Variants in PRDM1 observed in about 807,000 individuals in gnomAD.
PRDM1 encodes the protein PR domain zinc finger protein 1.
In PRDM1, 13 loss-of-function variants were observed where a neutral mutation model predicts 62.8. That is an observed-to-expected ratio of 0.21 (90% CI 0.13 to 0.33). The LOEUF (loss-of-function observed/expected upper bound fraction) is 0.33, where lower values mean the gene tolerates loss of function less well. Among genes scored for constraint, PRDM1 ranks in the 10% least tolerant of loss-of-function variants. The pLI is 1.00. For missense variants in PRDM1, 895 were observed against 1,058.8 expected (o/e 0.85, Z 2.15); for synonymous variants, 396 against 417.6 (o/e 0.95, Z 0.63).
At chr6:105,999,349 A>T (rs1772400116) in intron 1 of PRDM1, among the ~76,000 whole-genome samples, 2 of 150,960 alleles carry the variant, frequency 1.3e-5, no homozygotes, top group Non-Finnish European at 3.0e-5. Context: ...TGAGGCCAGG[A>T]GTTTGAGACC....
chr6:106,067,168 C>CATA (rs1773446301), intron 1 of PRDM1, among the ~76,000 whole-genome samples: 5 of 152,148 alleles, frequency 3.3e-5, no homozygotes, highest in Admixed American at 3.3e-4. Context: ...AATTTGCTTG[C>CATA]ATAAATAAGA....
chr6:106,085,762 C>T (rs1773785134), upstream of PRDM1, among the ~76,000 whole-genome samples: 1 of 150,550 alleles, frequency 6.6e-6, no homozygotes, highest in Non-Finnish European at 1.5e-5. Flanking sequence ...TAACTTTTGC[C>T]TATTTCCCTA....
intron 1 of PRDM1, among the ~76,000 whole-genome samples, chr6:106,049,238 G>T (rs1378411380): frequency 2.0e-5 from 3 of 152,218 alleles, no homozygotes; most frequent in Admixed American, 2.0e-4. Flanking sequence ...ACTACTTGCA[G>T]CTCCCAAAGC....
At chr6:106,027,817 G>A (rs984785809) in intron 1 of PRDM1, among the ~76,000 whole-genome samples, 4 of 152,218 alleles carry the variant, frequency 2.6e-5, no homozygotes, top group African/African-American at 9.6e-5. Flanking sequence ...TTAAACCCAT[G>A]TGAAATGTTC....
chr6:106,063,172 G>A (rs1180691710), intron 1 of PRDM1, among the ~76,000 whole-genome samples: 1 of 152,164 alleles, frequency 6.6e-6, no homozygotes, highest in Non-Finnish European at 1.5e-5. Flanking sequence ...TTCTTCAAAT[G>A]GCAAGAAAGA....
chr6:106,015,683 A>G (rs1202841486), intron 1 of PRDM1, among the ~76,000 whole-genome samples: 1 of 152,172 alleles, frequency 6.6e-6, no homozygotes, highest in South Asian at 2.1e-4. Flanking sequence ...TTTTTGAATC[A>G]TGTAGTGTAT....
intron 1 of PRDM1, among the ~76,000 whole-genome samples, chr6:105,995,367 T>G (rs1048258414): frequency 6.6e-6 from 1 of 152,196 alleles, no homozygotes; most frequent in Non-Finnish European, 1.5e-5. Flanking sequence ...CTAGGAAAAG[T>G]GTTTTTTAAA....
In PRDM1 at chr6:106,062,060, A is replaced by T. The variant is rs546234628; in HGVS notation, c.-67+13346A>T. ...TGTCAGTGAGGTTGTGAATACATTC[A>T]TCAGTGTTGCAGAGCAAGTGGGATG... On this transcript the variant is annotated intron_variant, in intron 1 of 6. Transcript: ENST00000651185. Among the ~76,000 whole-genome samples, 18 of 152,338 alleles carry T rather than the reference A, an allele frequency of 1.2e-4. No homozygotes were observed. In the East Asian group the frequency reaches 2.9e-3, roughly 24 times the overall value.
In PRDM1 at chr6:105,994,653, G is replaced by T. The variant is rs1358600539; in HGVS notation, c.-67+1014G>T. Among the ~76,000 whole-genome samples the T allele has an allele frequency of 6.6e-6, 1 of 152,190 alleles. No homozygotes were observed. The highest frequency in any genetic ancestry group is 1.9e-4 in the East Asian group (1 of 5,192). ...GGTTTAGAGCCCGTCCTTTTGTCTG[G>T]AGTGTCGCGGGACTCCAGAAGTGGG... On this transcript the variant is annotated intron_variant, in intron 1 of 6. Coordinates refer to the PRDM1 transcript ENST00000652320. The surrounding 1 kb of genome is among the most constrained non-coding windows in gnomAD (Gnocchi z 4.1).
At chr6:106,071,712 G>A (rs1009444490) in intron 1 of PRDM1, among the ~76,000 whole-genome samples, 4 of 151,992 alleles carry the variant, frequency 2.6e-5, no homozygotes, top group Non-Finnish European at 5.9e-5. Context: ...TGTCTGTTAT[G>A]TGGTATCAGT....
rs1554205636 is a variant in PRDM1 at position 106,107,690 on chromosome 6, A to ATATATATATG, written c.*213_*214insGTATATATAT. 1.3e-5 allele frequency: 3 copies of ATATATATATG among 224,952 alleles called. No individual in the cohort carries two copies. Among genetic ancestry groups the ATATATATATG allele is most frequent in the Non-Finnish European group, 2.6e-5 (3 of 117,062 alleles). The allele number at this position is 224,952 out of a possible 1,614,324, so 13.9% of individuals were successfully genotyped here. A position where few individuals can be genotyped will look rare whatever the true frequency, so the allele number is the denominator to read the frequency against. On this transcript the variant is annotated 3_prime_UTR_variant, in exon 7 of 7. Coordinates refer to ENST00000369096, the MANE Select transcript of PRDM1 (RefSeq NM_001198.4). ...CAAGGCAAAGGCCATATATATATATATATATATATCTGTATACATATTATA... is the reference window on the plus strand; with the variant it reads ...CAAGGCAAAGGCCATATATATATATATATATATATGTATATATATCTGTATACATATTATA...
In PRDM1 at chr6:105,994,968, G is replaced by T. The variant is rs1387621205; in HGVS notation, c.-67+1329G>T. On this transcript the variant is annotated intron_variant, in intron 1 of 6. Coordinates refer to the PRDM1 transcript ENST00000652320. This position sits in a 1 kb window ranked among gnomAD's most constrained non-coding sequence, Gnocchi z 4.1. ...CGGAGACAGAGGAAAGCCTCTGGTC[G>T]AGAGGATTAGAGCGCGCGTTTTCTC... Among the ~76,000 whole-genome samples the T allele has an allele frequency of 6.6e-6, 1 of 152,212 alleles. No individual in the cohort carries two copies. The highest frequency in any genetic ancestry group is 1.5e-5 in the Non-Finnish European group (1 of 68,030).
rs534932048 is a variant in PRDM1 at position 106,075,757 on chromosome 6, A to G, written c.-66-12444A>G. On this transcript the variant is annotated intron_variant, in intron 1 of 6. Transcript: ENST00000651185. Reference sequence around the variant, plus strand: ...CTTTTTTAAGAGCTGGGGTCTTGCTATGTTCCTCAGGCTGGTCTTGAATTC... The same window carrying G: ...CTTTTTTAAGAGCTGGGGTCTTGCTGTGTTCCTCAGGCTGGTCTTGAATTC... Among the ~76,000 whole-genome samples, 92 of 152,090 alleles carry G rather than the reference A, an allele frequency of 6.0e-4. 1 individual carries two copies. Among genetic ancestry groups the G allele is most frequent in the African/African-American group, 2.0e-3 (84 of 41,488 alleles).
chr6:106,038,264 C>T (rs974341622), intron 1 of PRDM1, among the ~76,000 whole-genome samples: 2 of 151,816 alleles, frequency 1.3e-5, no homozygotes, highest in Non-Finnish European at 1.5e-5. Flanking sequence ...GGATTATAGG[C>T]GTGAGCCACC....
Position 106,106,498 on chromosome 6 carries a change from A to C in PRDM1, c.1901A>C (p.Gln634Pro). ...VHTGEKPHEC[Q>P]VCHKRFSSTS... ...ACGGGAGAAAAGCCACATGAATGCCAGGTGCGCAGTATTTTCTGGGTAGAC... is the reference window on the plus strand; with the variant it reads ...ACGGGAGAAAAGCCACATGAATGCCCGGTGCGCAGTATTTTCTGGGTAGAC... The change falls in exon 6 of 7, where the codon CAG (glutamine) becomes CCG (proline). Residue 634 changes from glutamine (Q) to proline (P), a missense_variant and splice_region_variant. Physicochemically the swap from Gln to Pro is moderately conservative, Grantham distance 76. Coordinates refer to ENST00000369096, the MANE Select transcript of PRDM1 (RefSeq NM_001198.4). The surrounding 1 kb of genome is among the most constrained non-coding windows in gnomAD (Gnocchi z 4.4). The C allele has an allele frequency of 6.2e-7, 1 of 1,614,152 alleles. No individual in the cohort carries two copies. The highest frequency in any genetic ancestry group is 1.3e-5 in the African/African-American group (1 of 75,048).
chr6:106,040,583 A>C (rs1217928726), intron 1 of PRDM1, among the ~76,000 whole-genome samples: 1 of 152,218 alleles, frequency 6.6e-6, no homozygotes, highest in African/African-American at 2.4e-5. Flanking sequence ...TCACAGTTCA[A>C]ACCTGTATCC....
chr6:106,039,874 G>A (rs1424948572), intron 1 of PRDM1, among the ~76,000 whole-genome samples: 1 of 152,240 alleles, frequency 6.6e-6, no homozygotes, highest in Admixed American at 6.5e-5. Flanking sequence ...GCGAGATTGT[G>A]TTTAGCCTAT....
At chr6:106,102,143 G>A (rs552611763) in intron 4 of PRDM1, among the ~76,000 whole-genome samples, 1 of 152,272 alleles carries the variant, frequency 6.6e-6, no homozygotes, top group African/African-American at 2.4e-5. Context: ...ATTATAGATC[G>A]AAAATGTGAG....
chr6:106,050,407 A>G (rs1773154288), intron 1 of PRDM1, among the ~76,000 whole-genome samples: 1 of 152,246 alleles, frequency 6.6e-6, no homozygotes, highest in Admixed American at 6.5e-5. Context: ...AGCTTTACTA[A>G]AATTAAAATG....
Sources: allele counts gnomAD v4.1 joint callset (sites outside exome capture counted in the v4.1 genomes callset), GRCh38; gene constraint gnomAD v4.1.1; non-coding constraint Gnocchi (gnomAD v3.1); transcripts MANE v1.5; gene names NCBI Gene and HGNC (gene_info 2026-07-23, HGNC 2026-07-21).